IL1RAPL1: variants seen among roughly 807,000 people sequenced by gnomAD.
The protein encoded by IL1RAPL1 is interleukin-1 receptor accessory protein-like 1.
In IL1RAPL1, 3 loss-of-function variants were observed where a neutral mutation model predicts 48.4. The ratio of observed to expected loss-of-function variants is 0.06; its 90% CI spans 0.03 to 0.16. IL1RAPL1 has a LOEUF of 0.16. Among genes scored for constraint, IL1RAPL1 ranks in the 10% least tolerant of loss-of-function variants. The pLI, the probability that IL1RAPL1 is intolerant of heterozygous loss-of-function variation, is 1.00. For missense variants in IL1RAPL1, 349 were observed against 530.6 expected (o/e 0.66, Z 3.36); for synonymous variants, 185 against 187.7 (o/e 0.99, Z 0.12).
intron 2 of IL1RAPL1, among the ~76,000 whole-genome samples, chrX:28,833,647 T>G (rs1320373100): frequency 8.9e-6 from 1 of 111,988 alleles, no homozygotes; most frequent in Non-Finnish European, 1.9e-5. Context: ...CTGAATGTTA[T>G]GATGTAATTG....
At chrX:29,939,084 C>T (rs144505986) in intron 8 of IL1RAPL1, among the ~76,000 whole-genome samples, 2,543 of 111,750 alleles carry the variant, frequency 0.023, 40 homozygotes, top group Non-Finnish European at 0.034. Context: ...TTATATTTCT[C>T]TTGGACAAAT....
At chrX:29,447,017 T>C (rs1198267511) in intron 5 of IL1RAPL1, among the ~76,000 whole-genome samples, 1 of 111,933 alleles carries the variant, frequency 8.9e-6, no homozygotes, top group Non-Finnish European at 1.9e-5. Context: ...CATCTTTTTA[T>C]TCTTACTGTG....
intron 6 of IL1RAPL1, among the ~76,000 whole-genome samples, chrX:29,757,837 A>G (rs1928656835): frequency 8.9e-6 from 1 of 112,166 alleles, no homozygotes; most frequent in African/African-American, 3.2e-5. Context: ...GGGCTTCTAA[A>G]GAAATGTTTC....
intron 6 of IL1RAPL1, among the ~76,000 whole-genome samples, chrX:29,808,281 T>G (rs1431989947): frequency 8.9e-6 from 1 of 112,111 alleles, no homozygotes; most frequent in African/African-American, 3.2e-5. Flanking sequence ...CTTAAAAATA[T>G]GCTTAATGGT....
chrX:29,803,037 A>G lies in IL1RAPL1; in HGVS notation c.779-114427A>G, dbSNP rs865914139. On this transcript the variant is annotated intron_variant, in intron 6 of 10. Transcript: ENST00000378993. Reference sequence around the variant, plus strand: ...TATGTGTACATATACATGTATGCATATATACATATATGTGTACATATATAT... The same window carrying G: ...TATGTGTACATATACATGTATGCATGTATACATATATGTGTACATATATAT... Among the ~76,000 whole-genome samples, 150 of 29,327 alleles carry G rather than the reference A, an allele frequency of 5.1e-3. 1 individual carries two copies. Among genetic ancestry groups the G allele is most frequent in the African/African-American group, 9.1e-3 (67 of 7,396 alleles). The allele number at this position is 29,327 out of a possible 115,157, so 25.5% of individuals were successfully genotyped here. A position where few individuals can be genotyped will look rare whatever the true frequency, so the allele number is the denominator to read the frequency against.
At chrX:29,524,225 A>ATTCT (rs1935531179) in intron 5 of IL1RAPL1, among the ~76,000 whole-genome samples, 1 of 95,732 alleles carries the variant, frequency 1.0e-5, no homozygotes, top group African/African-American at 3.9e-5. Context: ...TCTTAAGAAT[A>ATTCT]TTCTTAAAAT....
intron 6 of IL1RAPL1, among the ~76,000 whole-genome samples, chrX:29,802,454 A>C (rs949615694): frequency 5.5e-5 from 6 of 110,036 alleles, no homozygotes; most frequent in African/African-American, 2.0e-4. Flanking sequence ...ACTTTGGTAA[A>C]ATACCATAAA....
chrX:29,143,884 G>A (rs1315293778), intron 2 of IL1RAPL1, among the ~76,000 whole-genome samples: 3 of 111,786 alleles, frequency 2.7e-5, no homozygotes, highest in Non-Finnish European at 5.6e-5. Flanking sequence ...ATGTATTCCC[G>A]TCAGATAAGA....
chrX:29,208,732 T>TA lies in IL1RAPL1; in HGVS notation c.83-74204dup, dbSNP rs754702104. 3.8e-3 allele frequency among the ~76,000 whole-genome samples: 308 copies of TA among 81,774 alleles called. 1 individual carries two copies. Among genetic ancestry groups the TA allele is most frequent in the Non-Finnish European group, 5.1e-3 (229 of 45,209 alleles). 71.0% of individuals were successfully genotyped at this position (81,774 alleles called of 115,157 possible). A position where few individuals can be genotyped will look rare whatever the true frequency, so the allele number is the denominator to read the frequency against. On this transcript the variant is annotated intron_variant, in intron 2 of 10. Coordinates refer to ENST00000378993, the MANE Select transcript of IL1RAPL1 (RefSeq NM_014271.4). ...AAAATAATAATAATAATAATAATAA[T>TA]AATAAATAAATAAATAAATAAAAGT... is the stretch of plus-strand genomic sequence containing the variant.
intron 2 of IL1RAPL1, among the ~76,000 whole-genome samples, chrX:29,275,240 A>G (rs758592919): frequency 8.9e-6 from 1 of 111,742 alleles, no homozygotes; most frequent in Admixed American, 9.6e-5. Flanking sequence ...GACCTTCTGA[A>G]TCTGAAACTC....
At chrX:29,593,298 A>G (rs1239270215) in intron 5 of IL1RAPL1, among the ~76,000 whole-genome samples, 2 of 111,471 alleles carry the variant, frequency 1.8e-5, no homozygotes, top group Non-Finnish European at 3.8e-5. Context: ...CTCTGATCAG[A>G]TCTTGGCATA....
intron 1 of IL1RAPL1, among the ~76,000 whole-genome samples, chrX:28,699,445 C>T (rs1336205722): frequency 8.9e-6 from 1 of 112,251 alleles, no homozygotes; most frequent in Non-Finnish European, 1.9e-5. Flanking sequence ...CATATATGCA[C>T]AGGCAAAACA....
At chrX:29,393,311 C>A (rs994899936) in intron 3 of IL1RAPL1, among the ~76,000 whole-genome samples, 2 of 111,881 alleles carry the variant, frequency 1.8e-5, no homozygotes, top group Non-Finnish European at 3.8e-5. Flanking sequence ...TCAGTGGAGA[C>A]GGGGTTTCCC....
chrX:29,856,480 A>G (rs1012112314), intron 6 of IL1RAPL1, among the ~76,000 whole-genome samples: 1 of 112,256 alleles, frequency 8.9e-6, no homozygotes, highest in Non-Finnish European at 1.9e-5. Context: ...ACAGATTAAT[A>G]TTTCTTCATC....
At chrX:29,175,627 A>G (rs977569015) in intron 2 of IL1RAPL1, among the ~76,000 whole-genome samples, 16 of 109,475 alleles carry the variant, frequency 1.5e-4, no homozygotes, top group Non-Finnish European at 3.0e-4. Flanking sequence ...CGGGAGGATC[A>G]TGAGGTCAGG....
intron 8 of IL1RAPL1, among the ~76,000 whole-genome samples, chrX:29,923,061 C>T (rs1407135680): frequency 9.8e-5 from 11 of 111,843 alleles, no homozygotes; most frequent in African/African-American, 3.6e-4. Flanking sequence ...TTATCATTGA[C>T]ATAATAAAAT....
intron 3 of IL1RAPL1, among the ~76,000 whole-genome samples, chrX:29,309,567 C>T (rs924917566): frequency 8.9e-6 from 1 of 112,162 alleles, no homozygotes. Flanking sequence ...AATCCCAGCA[C>T]TTTGGGAGGC....
intron 3 of IL1RAPL1, among the ~76,000 whole-genome samples, chrX:29,313,534 A>C (rs937829486): frequency 3.6e-5 from 4 of 111,873 alleles, no homozygotes; most frequent in African/African-American, 1.3e-4. Context: ...AATCTAGTCC[A>C]AGTTTATTTC....
chrX:29,085,419 A>G (rs1201608975), intron 2 of IL1RAPL1, among the ~76,000 whole-genome samples: 2 of 111,446 alleles, frequency 1.8e-5, no homozygotes, highest in Non-Finnish European at 1.9e-5. Flanking sequence ...ACTGTGTGCT[A>G]GACATTTTTC....
Sources: gnomAD v4.1 joint callset for allele counts (sites outside exome capture counted in the v4.1 genomes callset) on GRCh38, gnomAD v4.1.1 for gene constraint, MANE v1.5 for transcripts, NCBI Gene and HGNC (gene_info 2026-07-23, HGNC 2026-07-21) for gene names.